WWC1: variants seen among roughly 807,000 people sequenced by gnomAD.
WWC1 encodes protein KIBRA.
WWC1 carries 55 observed loss-of-function variants against 138.4 expected under a neutral mutation model. The ratio of observed to expected loss-of-function variants is 0.40; its 90% CI spans 0.32 to 0.50. The LOEUF (loss-of-function observed/expected upper bound fraction) is 0.50. Ranked by LOEUF, WWC1 falls within the 20% of genes least tolerant of loss-of-function variation. The probability of loss-of-function intolerance (pLI) is 0.72; values close to 1 mark genes in which losing one functional copy is unlikely to be tolerated. For missense variants in WWC1, 1,226 were observed against 1,420.4 expected (o/e 0.86, Z 2.20); for synonymous variants, 524 against 564.9 (o/e 0.93, Z 1.03).
chr5:168,454,165 G>A (rs1756095074), intron 18 of WWC1, 65 bp downstream of exon 18: 3 of 1,576,578 alleles, frequency 1.9e-6, no homozygotes, highest in South Asian at 1.2e-5. Flanking sequence ...TTGTGCCGAG[G>A]CAGTCAGAAA....
chr5:168,380,169 G>A (rs1777507654), intron 2 of WWC1, among the ~76,000 whole-genome samples: 1 of 152,166 alleles, frequency 6.6e-6, no homozygotes, highest in African/African-American at 2.4e-5. Context: ...GAAGCAGCTG[G>A]CACAGTCGCT....
chr5:168,305,599 G>A (rs1477727663), intron 1 of WWC1, among the ~76,000 whole-genome samples: 2 of 152,146 alleles, frequency 1.3e-5, no homozygotes, highest in African/African-American at 2.4e-5. Flanking sequence ...CCTCTTAGCA[G>A]CAAACCACTT....
intron 4 of WWC1, among the ~76,000 whole-genome samples, chr5:168,399,091 T>A (rs1779123927): frequency 6.6e-6 from 1 of 152,172 alleles, no homozygotes. Flanking sequence ...CTTTAAGTGA[T>A]CCATGGCTCT....
At chr5:168,395,346 C>T (rs145029980) in intron 3 of WWC1, among the ~76,000 whole-genome samples, 218 of 152,284 alleles carry the variant, frequency 1.4e-3, no homozygotes, top group African/African-American at 5.0e-3. Context: ...TGTGTGTCTT[C>T]CCAGGTTATT....
intron 1 of WWC1, among the ~76,000 whole-genome samples, chr5:168,355,217 G>C (rs553039454): frequency 6.6e-6 from 1 of 152,144 alleles, no homozygotes; most frequent in Non-Finnish European, 1.5e-5. Flanking sequence ...TTTCAGGCTG[G>C]GCGTGGTGGC....
rs528015472 is a variant in WWC1 at position 168,467,149 on chromosome 5, T to C, written c.3151-691T>C. ...GGCGGGCGCCTGTAGTCCCAGCTAC[T>C]TGGGAGGCTGAGGCAGGAGAATGGC... On this transcript the variant is annotated intron_variant, in intron 21 of 22. Coordinates refer to ENST00000265293, the MANE Select transcript of WWC1 (RefSeq NM_015238.3). 7.9e-5 allele frequency among the ~76,000 whole-genome samples: 12 copies of C among 152,276 alleles called. No homozygotes were observed. In the South Asian group the frequency reaches 1.7e-3, roughly 21 times the overall value.
intron 1 of WWC1, among the ~76,000 whole-genome samples, chr5:168,304,192 T>C (rs556598514): frequency 6.6e-6 from 1 of 152,306 alleles, no homozygotes; most frequent in Admixed American, 6.5e-5. Context: ...TTCTCTATAG[T>C]TACAGAGTTA....
At chr5:168,336,504 G>A (rs1012816711) in intron 1 of WWC1, among the ~76,000 whole-genome samples, 2 of 150,258 alleles carry the variant, frequency 1.3e-5, no homozygotes, top group East Asian at 2.0e-4. Context: ...CCCAGGAGGC[G>A]GAGGTTGCAG....
intron 15 of WWC1, among the ~76,000 whole-genome samples, chr5:168,433,599 G>T (rs1235948785): frequency 6.6e-6 from 1 of 151,986 alleles, no homozygotes; most frequent in East Asian, 1.9e-4. Flanking sequence ...GTGCAGTGGC[G>T]TGATCTTGGC....
chr5:168,366,238 T>A (rs139969852), intron 1 of WWC1, among the ~76,000 whole-genome samples: 2 of 152,274 alleles, frequency 1.3e-5, no homozygotes, highest in Admixed American at 1.3e-4. Context: ...CAAAAACACA[T>A]CTCTTCATCC....
chr5:168,356,523 C>T lies in WWC1; in HGVS notation c.120-14901C>T, dbSNP rs562975116. Among the ~76,000 whole-genome samples, 9 of 152,360 alleles carry T rather than the reference C, an allele frequency of 5.9e-5. No homozygotes were observed. The East Asian group carries it at 1.7e-3, about 29-fold the overall frequency. On this transcript the variant is annotated intron_variant, in intron 1 of 22. Transcript: ENST00000265293. ...AGAATTCCCCGGCCCACACCCTGCT[C>T]TGATCTGGGAATCGAATGTGATAAT... is the stretch of plus-strand genomic sequence containing the variant.
chr5:168,408,719 G>A, intron 7 of WWC1, 66 bp downstream of exon 7: 3 of 1,585,942 alleles, frequency 1.9e-6, no homozygotes, highest in Non-Finnish European at 2.6e-6. Flanking sequence ...TGCTGTAATG[G>A]ACAGCTGCCT....
intron 1 of WWC1, among the ~76,000 whole-genome samples, chr5:168,294,619 T>A (rs1769361999): frequency 6.6e-6 from 1 of 152,052 alleles, no homozygotes; most frequent in African/African-American, 2.4e-5. Context: ...CTTTTGGTTT[T>A]TTTGTTTATT....
At chr5:168,411,953 A>G in intron 8 of WWC1, 1 of 980,448 alleles carries the variant, frequency 1.0e-6, no homozygotes, top group Non-Finnish European at 1.2e-6. Context: ...AAGAAGAAGG[A>G]ATTGAATACT....
chr5:168,340,942 CAG>C (rs1285882872), intron 1 of WWC1, among the ~76,000 whole-genome samples: 1 of 152,120 alleles, frequency 6.6e-6, no homozygotes, highest in Non-Finnish European at 1.5e-5. Flanking sequence ...AAATAAGTAA[CAG>C]AGTCATAATT....
chr5:168,297,626 C>CAAAAAAAAAAAAAA (rs70976474), intron 1 of WWC1, among the ~76,000 whole-genome samples: 1 of 54,778 alleles, frequency 1.8e-5, no homozygotes, highest in Non-Finnish European at 3.7e-5. Context: ...AACTCCATCT[C>CAAAAAAAAAAAAAA]AAAAAAAAAA....
intron 15 of WWC1, among the ~76,000 whole-genome samples, chr5:168,434,532 C>T (rs77489540): frequency 6.6e-6 from 1 of 152,104 alleles, no homozygotes; most frequent in Admixed American, 6.6e-5. Flanking sequence ...TTCGTGATGG[C>T]CCCAGGAAGA....
At chr5:168,394,670 G>A (rs558165521) in intron 3 of WWC1, among the ~76,000 whole-genome samples, 1 of 152,310 alleles carries the variant, frequency 6.6e-6, no homozygotes, top group South Asian at 2.1e-4. Context: ...AGGTGGCAGT[G>A]AGCCAAGTTC....
Position 168,423,685 on chromosome 5 carries a change from A to C in WWC1, c.1427A>C (p.Glu476Ala), listed in dbSNP as rs757951755. The change falls in exon 11 of 23, where the codon GAG (glutamate) becomes GCG (alanine). Residue 476 changes from glutamate (E) to alanine (A), a missense_variant. Around this residue, in one of 3 missense-constraint regions of WWC1, gnomAD observed 1,016 missense variants for 1,153.9 expected, o/e 0.88. Coordinates refer to ENST00000265293, the MANE Select transcript of WWC1 (RefSeq NM_015238.3). ...YYDPFEQLDS[E>A]LQSKVEFLLL... ...GACCCCTTTGAGCAGCTGGACTCAG[A>C]GCTGCAGAGCAAGGTGGAGTTCCTG... 1.2e-6 allele frequency: 2 copies of C among 1,614,156 alleles called. No individual in the cohort carries two copies. The highest frequency in any genetic ancestry group is 1.1e-5 in the South Asian group (1 of 91,078).
Sources: gnomAD v4.1 joint callset for allele counts (sites outside exome capture counted in the v4.1 genomes callset) on GRCh38, gnomAD v4.1.1 for gene constraint, gnomAD v4.1.1 regional missense constraint, MANE v1.5 for transcripts, NCBI Gene and HGNC (gene_info 2026-07-23, HGNC 2026-07-21) for gene names.